Variants in PUDP observed in about 807,000 individuals in gnomAD.
PUDP encodes the protein pseudouridine-5'-phosphatase.
In PUDP, 8 loss-of-function variants were observed where a neutral mutation model predicts 9.4. That is an observed-to-expected ratio of 0.85 (90% confidence interval 0.50 to 1.53). The LOEUF (loss-of-function observed/expected upper bound fraction) is 1.53, where lower values mean the gene tolerates loss of function less well. PUDP is among the 40% of genes most tolerant of loss of function. The pLI is 0.00. For missense variants in PUDP, 188 were observed against 189.7 expected (o/e 0.99, Z 0.05); for synonymous variants, 99 against 80.7 (o/e 1.23, Z -1.22).
chrX:7,031,203 C>T (rs183692743), intron 1 of PUDP, among the ~76,000 whole-genome samples: 3 of 111,483 alleles, frequency 2.7e-5, no homozygotes, highest in Non-Finnish European at 5.6e-5. Context: ...GTGCCGACCT[C>T]CTGTCTCATC....
chrX:6,908,304 C>A (rs1250962039), intron 3 of PUDP, among the ~76,000 whole-genome samples: 2 of 112,437 alleles, frequency 1.8e-5, no homozygotes, highest in South Asian at 7.3e-4. Context: ...TTAAATGAAG[C>A]ACTGGAGGAA....
chrX:6,779,658 A>G (rs1198175410), intron 3 of PUDP, among the ~76,000 whole-genome samples: 2 of 112,204 alleles, frequency 1.8e-5, no homozygotes, highest in East Asian at 5.6e-4. Context: ...GGTAGGGTGC[A>G]GTGGCTCATG....
chrX:6,973,781 A>G (rs1195635701), intron 3 of PUDP, among the ~76,000 whole-genome samples: 1 of 111,239 alleles, frequency 9.0e-6, no homozygotes, highest in Non-Finnish European at 1.9e-5. Context: ...TGTCTTGTTG[A>G]TCTGTCTAAT....
intron 1 of PUDP, among the ~76,000 whole-genome samples, chrX:7,030,374 AG>A (rs776211762): frequency 3.3e-3 from 366 of 111,855 alleles, no homozygotes; most frequent in Middle Eastern, 9.2e-3. Flanking sequence ...ACTTGATAAA[AG>A]GCTTCCGCGA....
intron 1 of PUDP, among the ~76,000 whole-genome samples, chrX:7,024,649 C>T (rs189787823): frequency 1.4e-3 from 146 of 104,117 alleles, no homozygotes; most frequent in African/African-American, 4.5e-3. Context: ...TGCAGTGGTG[C>T]GATCTCAGCT....
chrX:7,071,720 T>C (rs1930737057), intron 3 of PUDP, among the ~76,000 whole-genome samples: 1 of 110,294 alleles, frequency 9.1e-6, no homozygotes, highest in South Asian at 3.9e-4. Context: ...ACAGCAGAGT[T>C]GAAAGAATTT....
chrX:6,715,150 A>C (rs191310701), intron 1 of PUDP, among the ~76,000 whole-genome samples: 2 of 111,380 alleles, frequency 1.8e-5, no homozygotes, highest in East Asian at 5.6e-4. Context: ...CATATTGATC[A>C]TGTTTTATTT....
chrX:6,775,956 A>C (rs1205361076), intron 3 of PUDP, among the ~76,000 whole-genome samples: 1 of 111,823 alleles, frequency 8.9e-6, no homozygotes, highest in African/African-American at 3.3e-5. Context: ...TTGTTATGGC[A>C]GCCAGAAAGG....
chrX:6,783,058 G>C (rs1464720211), intron 3 of PUDP, among the ~76,000 whole-genome samples: 5 of 111,630 alleles, frequency 4.5e-5, no homozygotes, highest in African/African-American at 1.6e-4. Flanking sequence ...TTCCCAGAAA[G>C]TTAGGTGTTC....
chrX:6,805,987 A>G (rs746465860), intron 3 of PUDP, among the ~76,000 whole-genome samples: 1 of 111,665 alleles, frequency 9.0e-6, no homozygotes, highest in East Asian at 2.8e-4. Context: ...TGAAGGGAAA[A>G]TAATGGAAGC....
intron 3 of PUDP, among the ~76,000 whole-genome samples, chrX:6,965,972 G>A (rs960733202): frequency 9.0e-5 from 10 of 110,789 alleles, no homozygotes; most frequent in African/African-American, 1.3e-4. Context: ...TCCACCGTTC[G>A]GGAAGGAAAT....
chrX:6,806,427 A>G (rs1313434633), intron 3 of PUDP, among the ~76,000 whole-genome samples: 1 of 111,630 alleles, frequency 9.0e-6, no homozygotes, highest in Non-Finnish European at 1.9e-5. Context: ...CCCTGGCTCA[A>G]CTGATCCTTC....
intron 3 of PUDP, among the ~76,000 whole-genome samples, chrX:6,879,625 T>C (rs1927315914): frequency 8.9e-6 from 1 of 111,916 alleles, no homozygotes; most frequent in African/African-American, 3.3e-5. Context: ...GATGACCCAC[T>C]TGTCTGCATC....
chrX:6,969,008 C>G (rs1044707526), intron 3 of PUDP, among the ~76,000 whole-genome samples: 1 of 112,188 alleles, frequency 8.9e-6, no homozygotes, highest in Non-Finnish European at 1.9e-5. Context: ...GTTGTTCAGT[C>G]ACTTCTAGGA....
chrX:6,774,488 C>T (rs1028885167), intron 3 of PUDP, among the ~76,000 whole-genome samples: 1 of 112,137 alleles, frequency 8.9e-6, no homozygotes, highest in African/African-American at 3.2e-5. Context: ...GGCAATAGTA[C>T]CTCAGCAACA....
chrX:7,068,785 G>A (rs917824505), intron 3 of PUDP, among the ~76,000 whole-genome samples: 2 of 112,087 alleles, frequency 1.8e-5, no homozygotes, highest in Non-Finnish European at 3.8e-5. Context: ...TCCAGGCAGT[G>A]CAGATTCATG....
intron 1 of PUDP, among the ~76,000 whole-genome samples, chrX:6,716,725 T>C (rs1394386067): frequency 1.8e-5 from 2 of 110,759 alleles, no homozygotes; most frequent in Non-Finnish European, 3.8e-5. Context: ...CTCAAACTCC[T>C]GGGTCCAAGT....
intron 3 of PUDP, among the ~76,000 whole-genome samples, chrX:7,051,261 G>T (rs1471381902): frequency 8.9e-6 from 1 of 111,999 alleles, no homozygotes; most frequent in African/African-American, 3.2e-5. Flanking sequence ...CATGGATGGA[G>T]CTGGAGGCCA....
chrX:7,041,407 C>A (rs1330817870), intron 1 of PUDP, among the ~76,000 whole-genome samples: 2 of 111,812 alleles, frequency 1.8e-5, no homozygotes, highest in Admixed American at 9.4e-5. Context: ...GTGAAAAAAA[C>A]ATGCTTTTCG....
Sources: gnomAD v4.1 joint callset for allele counts (sites outside exome capture counted in the v4.1 genomes callset) on GRCh38, gnomAD v4.1.1 for gene constraint, MANE v1.5 for transcripts, NCBI Gene and HGNC (gene_info 2026-07-23, HGNC 2026-07-21) for gene names.